Variants in SRP54 observed in about 807,000 individuals in gnomAD.
SRP54 encodes signal recognition particle subunit SRP54.
SRP54 carries 10 observed loss-of-function variants against 64.8 expected under a neutral mutation model. The observed-to-expected ratio is 0.15, with a 90% CI of 0.10 to 0.26. SRP54 has a LOEUF of 0.26. SRP54 is among the 10% of genes least tolerant of loss of function. The pLI, the probability that SRP54 is intolerant of heterozygous loss-of-function variation, is 1.00. For missense variants in SRP54, 325 were observed against 613.7 expected (o/e 0.53, Z 4.97); for synonymous variants, 193 against 185.6 (o/e 1.04, Z -0.32).
At chr14:34,992,401 T>G (rs2043995209) in intron 1 of SRP54, among the ~76,000 whole-genome samples, 1 of 152,170 alleles carries the variant, frequency 6.6e-6, no homozygotes, top group African/African-American at 2.4e-5. Context: ...ATTTTTAAAT[T>G]TAAAACAACC....
At chr14:34,988,900 A>G (rs2043944795) in intron 1 of SRP54, among the ~76,000 whole-genome samples, 1 of 152,028 alleles carries the variant, frequency 6.6e-6, no homozygotes, top group African/African-American at 2.4e-5. Context: ...ACATCCTTCC[A>G]TGTACTTTAA....
At chr14:35,004,547 C>T (rs1026461336) in intron 4 of SRP54, 5 of 152,150 alleles carry the variant, frequency 3.3e-5, no homozygotes, top group African/African-American at 1.2e-4. Context: ...GTTTCAGATT[C>T]TACATTGCAG....
In SRP54 at chr14:35,000,954, A is replaced by G. The variant is rs1371590178; in HGVS notation, c.189A>G (p.Glu63=). Residue 63 remains glutamate, a synonymous_variant, in exon 4 of 16, where the codon GAA becomes GAG. Coordinates refer to ENST00000216774, the MANE Select transcript of SRP54 (RefSeq NM_003136.4). The part of the protein sequence containing the change: ...RENVKSAIDL[E]EMASGLNKRK... ...CATAAAGGTCTGCTATTGATCTTGA[A>G]GAGATGGCATCTGGTCTTAACAAAA... 6.3e-7 allele frequency: 1 copy of G among 1,592,598 alleles called. No individual in the cohort carries two copies. The highest frequency in any genetic ancestry group is 8.5e-7 in the Non-Finnish European group (1 of 1,170,652).
chr14:35,005,580 G>A (rs2138992456), intron 4 of SRP54, among the ~76,000 whole-genome samples: 1 of 151,954 alleles, frequency 6.6e-6, no homozygotes, highest in East Asian at 2.0e-4. Context: ...TAAATTAGTA[G>A]AGACAAGATC....
intron 1 of SRP54, among the ~76,000 whole-genome samples, chr14:34,996,021 C>T (rs1376866514): frequency 6.7e-6 from 1 of 148,566 alleles, no homozygotes; most frequent in African/African-American, 2.5e-5. Context: ...GCTGTGATCA[C>T]ACCACTGCAC....
At chr14:34,996,135 G>C (rs948053062) in intron 1 of SRP54, among the ~76,000 whole-genome samples, 2 of 151,610 alleles carry the variant, frequency 1.3e-5, no homozygotes, top group South Asian at 4.2e-4. Context: ...ATGAAATAAT[G>C]TATGTGGAAT....
chr14:35,019,021 C>A lies in SRP54; in HGVS notation c.1103C>A (p.Ser368Ter), dbSNP rs767844326. ...ATGAGCAAAGGAAATGAACAGGAGT[C>A]AATGGCAAGGCTAAAGAAATTAATG... Reference protein sequence around the residue: ...DFMSKGNEQESMARLKKLMTI... With the variant: ...DFMSKGNEQE The change falls in exon 13 of 16, where the codon TCA (serine) becomes TAA (stop). Residue 368 changes from serine (S) to a stop codon, truncating the protein, a stop_gained. Coordinates refer to ENST00000216774, the MANE Select transcript of SRP54 (RefSeq NM_003136.4). LOFTEE classifies it high-confidence loss of function. The A allele has an allele frequency of 6.2e-7, 1 of 1,613,692 alleles. No individual in the cohort carries two copies. The highest frequency in any genetic ancestry group is 8.5e-7 in the Non-Finnish European group (1 of 1,179,860).
intron 1 of SRP54, among the ~76,000 whole-genome samples, chr14:34,985,776 A>G (rs1422335006): frequency 6.6e-6 from 1 of 152,208 alleles, no homozygotes; most frequent in East Asian, 1.9e-4. Context: ...TGCACTCCAG[A>G]TTAAGAATTT....
chr14:35,021,016 TGGAA>T (rs1214102242), intron 13 of SRP54, among the ~76,000 whole-genome samples: 3 of 152,208 alleles, frequency 2.0e-5, no homozygotes, highest in South Asian at 2.1e-4. Flanking sequence ...TTTGAGCTGT[TGGAA>T]GGAATATAAT....
chr14:35,004,497 A>C (rs1389837332), intron 4 of SRP54: 1 of 152,214 alleles, frequency 6.6e-6, no homozygotes, highest in Non-Finnish European at 1.5e-5. Context: ...TGCAAGATGG[A>C]ATCACAGATT....
At chr14:34,998,619 C>G (rs544454607) in intron 2 of SRP54, among the ~76,000 whole-genome samples, 3 of 152,060 alleles carry the variant, frequency 2.0e-5, no homozygotes, top group South Asian at 2.1e-4. Context: ...TGAGACCAGC[C>G]TGGCCAACAT....
chr14:35,013,362 T>G lies in SRP54; in HGVS notation c.653T>G (p.Val218Gly). ...VANAIQPDNI[V>G]YVMDASIGQA... is the part of the protein sequence containing the mutation. ...ACTTTCTAGCAACCTGATAACATTGTTTATGTGATGGATGCCTCCATTGGG... is the reference window on the plus strand; with the variant it reads ...ACTTTCTAGCAACCTGATAACATTGGTTATGTGATGGATGCCTCCATTGGG... Residue 218 changes from valine (V) to glycine (G), a missense_variant, in exon 9 of 16, where the codon GTT becomes GGT. Val to Gly is a moderately radical substitution (Grantham distance 109, BLOSUM62 -3). Coordinates refer to ENST00000216774, the MANE Select transcript of SRP54 (RefSeq NM_003136.4). 1 of 1,613,502 alleles carries G rather than the reference T, an allele frequency of 6.2e-7. No individual in the cohort carries two copies. Among genetic ancestry groups the G allele is most frequent in the Non-Finnish European group, 8.5e-7 (1 of 1,179,830 alleles).
In SRP54 at chr14:35,028,037, G is replaced by T. The variant is rs754777796; in HGVS notation, c.1328-51G>T. 4.0e-6 allele frequency: 5 copies of T among 1,247,826 alleles called. No individual in the cohort carries two copies. In the South Asian group the frequency reaches 5.2e-5, roughly 13 times the overall value. The allele number at this position is 1,247,826 out of a possible 1,614,324, so 77.3% of individuals were successfully genotyped here. A position where few individuals can be genotyped will look rare whatever the true frequency, so the allele number is the denominator to read the frequency against. On this transcript the variant is annotated intron_variant, in intron 14 of 15. Transcript: ENST00000216774. The stretch of plus-strand genomic sequence containing the variant: ...CTTTCTATTATACCCTGATTATACT[G>T]ATTATATTACCTCCTACGCTGACTC...
intron 3 of SRP54, among the ~76,000 whole-genome samples, chr14:35,000,290 G>T (rs535282906): frequency 6.6e-6 from 1 of 152,038 alleles, no homozygotes; most frequent in Non-Finnish European, 1.5e-5. Flanking sequence ...GGAAGTAGCC[G>T]GGCGCAGTAG....
At chr14:34,990,616 G>C (rs889139189) in intron 1 of SRP54, among the ~76,000 whole-genome samples, 1 of 152,168 alleles carries the variant, frequency 6.6e-6, no homozygotes, top group Non-Finnish European at 1.5e-5. Context: ...AATCGTTTTA[G>C]TTAGGCAAGA....
At chr14:35,009,044 G>T (rs1432763864) in intron 7 of SRP54, among the ~76,000 whole-genome samples, 3 of 151,780 alleles carry the variant, frequency 2.0e-5, no homozygotes, top group African/African-American at 4.8e-5. Flanking sequence ...CCACCACCAT[G>T]CCCATCTAAA....
chr14:35,020,709 T>C (rs1439896368), intron 13 of SRP54, among the ~76,000 whole-genome samples: 2 of 152,230 alleles, frequency 1.3e-5, no homozygotes, highest in African/African-American at 4.8e-5. Flanking sequence ...AATGTTTGCA[T>C]GTAGAATTCA....
chr14:35,008,753 C>T, intron 6 of SRP54, 21 bp from the exon 7 acceptor site: 2 of 1,605,350 alleles, frequency 1.2e-6, no homozygotes, highest in East Asian at 2.2e-5. Flanking sequence ...TTTGAGGATT[C>T]ATGAACTCTT....
chr14:34,988,082 AT>A (rs895848576), intron 1 of SRP54, among the ~76,000 whole-genome samples: 2 of 152,118 alleles, frequency 1.3e-5, no homozygotes, highest in African/African-American at 4.8e-5. Flanking sequence ...AGTGGGTAGA[AT>A]TAGGGGAATT....
Sources: allele counts gnomAD v4.1 joint callset (sites outside exome capture counted in the v4.1 genomes callset), GRCh38; gene constraint gnomAD v4.1.1; transcripts MANE v1.5; gene names NCBI Gene and HGNC (gene_info 2026-07-23, HGNC 2026-07-21).